The following EPN2 variants were observed in gnomAD, a reference collection of about 807,000 sequenced individuals.
EPN2 encodes epsin 2.
EPN2 carries 34 observed loss-of-function variants against 61.7 expected under a neutral mutation model. The ratio of observed to expected loss-of-function variants is 0.55; its 90% CI spans 0.42 to 0.73. The LOEUF (loss-of-function observed/expected upper bound fraction) is 0.73, where lower values mean the gene tolerates loss of function less well. EPN2 is among the 30% of genes least tolerant of loss of function. The pLI is 0.00. For missense variants in EPN2, 714 were observed against 839.2 expected (o/e 0.85, Z 1.84); for synonymous variants, 349 against 353.6 (o/e 0.99, Z 0.15).
chr17:19,256,227 G>A (rs1317871344), intron 1 of EPN2, among the ~76,000 whole-genome samples: 2 of 151,898 alleles, frequency 1.3e-5, no homozygotes, highest in African/African-American at 4.8e-5. Flanking sequence ...ATGAGCCACC[G>A]CGCCTGGCCC....
At chr17:19,314,316 C>T (rs1360853683) in intron 7 of EPN2, among the ~76,000 whole-genome samples, 1 of 49,664 alleles carries the variant, frequency 2.0e-5, no homozygotes, top group African/African-American at 6.9e-5. Flanking sequence ...TACAGGAGTC[C>T]AGGAGTGTGA....
intron 4 of EPN2, among the ~76,000 whole-genome samples, chr17:19,305,627 G>T (rs985736799): frequency 2.6e-5 from 4 of 152,148 alleles, no homozygotes; most frequent in African/African-American, 9.7e-5. Context: ...TTACCTGAAA[G>T]TGGCCCACTG....
intron 4 of EPN2, among the ~76,000 whole-genome samples, chr17:19,302,456 A>G (rs1905578023): frequency 6.6e-6 from 1 of 152,200 alleles, no homozygotes; most frequent in African/African-American, 2.4e-5. Flanking sequence ...CAGCAGTGGC[A>G]TTAGATTCTC....
chr17:19,284,293 T>C (rs563194557), intron 3 of EPN2, among the ~76,000 whole-genome samples: 21 of 152,156 alleles, frequency 1.4e-4, no homozygotes, highest in African/African-American at 4.8e-4. Flanking sequence ...TGGGTCTGCA[T>C]TGAGTTCTGG....
At chr17:19,281,526 T>C (rs556915159) in intron 1 of EPN2, among the ~76,000 whole-genome samples, 1 of 152,176 alleles carries the variant, frequency 6.6e-6, no homozygotes, top group Non-Finnish European at 1.5e-5. Context: ...ATGTGCCCAT[T>C]ACCCATCTGA....
chr17:19,335,513 TA>T lies in EPN2; in HGVS notation c.*1262del. On this transcript the variant is annotated 3_prime_UTR_variant, in exon 11 of 11. Transcript: ENST00000314728. ...CCTCTGTCTTAATCCACGCTCAGGC[TA>T]AAGATGGGGATAATGTGGAAATGGC... is the stretch of plus-strand genomic sequence containing the variant. The T allele has an allele frequency of 6.5e-7, 1 of 1,529,414 alleles. No homozygotes were observed. The highest frequency in any genetic ancestry group is 8.8e-7 in the Non-Finnish European group (1 of 1,133,120). 94.7% of individuals were successfully genotyped at this position (1,529,414 alleles called of 1,614,324 possible). A position where few individuals can be genotyped will look rare whatever the true frequency, so the allele number is the denominator to read the frequency against.
At chr17:19,320,966 C>T (rs985466347) in intron 7 of EPN2, among the ~76,000 whole-genome samples, 2 of 152,122 alleles carry the variant, frequency 1.3e-5, no homozygotes, top group African/African-American at 2.4e-5. Context: ...GCTTGGATCT[C>T]GGGGATGGGC....
In EPN2 at chr17:19,283,187, A is replaced by G; in HGVS notation, c.68A>G (p.Lys23Arg). The change falls in exon 3 of 11, where the codon AAA (lysine) becomes AGA (arginine). Residue 23 changes from lysine to arginine, a missense_variant. Coordinates refer to ENST00000314728, the MANE Select transcript of EPN2 (RefSeq NM_014964.5). This position sits in a 1 kb window ranked among gnomAD's most constrained non-coding sequence, Gnocchi z 7.0. ...IVNNYSEAEI[K>R]VREATSNDPW... is the part of the protein sequence containing the mutation. ...AACAATTACTCAGAGGCAGAAATCA[A>G]AGTCCGGGAAGCCACCTCCAATGAC... 1 of 1,614,132 alleles carries G rather than the reference A, an allele frequency of 6.2e-7. No homozygotes were observed. Among genetic ancestry groups the G allele is most frequent in the Non-Finnish European group, 8.5e-7 (1 of 1,180,014 alleles).
At chr17:19,305,130 T>G (rs1200030697) in intron 4 of EPN2, among the ~76,000 whole-genome samples, 1 of 151,818 alleles carries the variant, frequency 6.6e-6, no homozygotes, top group Non-Finnish European at 1.5e-5. Flanking sequence ...TTTTTTTTTT[T>G]TTTTTTTTTT....
At chr17:19,280,482 C>T (rs1474689885) in intron 1 of EPN2, among the ~76,000 whole-genome samples, 1 of 152,158 alleles carries the variant, frequency 6.6e-6, no homozygotes, top group Non-Finnish European at 1.5e-5. Flanking sequence ...CTTTCACAGC[C>T]TTTGCAGAAT....
chr17:19,272,973 GC>G (rs1372924498), intron 1 of EPN2, among the ~76,000 whole-genome samples: 3 of 152,202 alleles, frequency 2.0e-5, no homozygotes, highest in African/African-American at 4.8e-5. Context: ...CCCACAGGCT[GC>G]TCCTCCCAGA....
intron 7 of EPN2, among the ~76,000 whole-genome samples, chr17:19,321,602 G>A (rs1178410296): frequency 6.6e-6 from 1 of 152,196 alleles, no homozygotes; most frequent in African/African-American, 2.4e-5. Context: ...AGTAACCGGG[G>A]CATGTCCCCT....
chr17:19,293,207 A>G (rs1189640910), intron 4 of EPN2, among the ~76,000 whole-genome samples: 17 of 151,912 alleles, frequency 1.1e-4, no homozygotes. Flanking sequence ...GGTGAAACCC[A>G]TCTCTACTAA....
At chr17:19,254,152 G>T (rs2045047366) in intron 1 of EPN2, among the ~76,000 whole-genome samples, 1 of 121,478 alleles carries the variant, frequency 8.2e-6, no homozygotes, top group Non-Finnish European at 1.7e-5. Flanking sequence ...GAGAGAGAGA[G>T]AAAGAGAAAG....
At position 19,285,235 on chromosome 17, in the gene EPN2, G is replaced by A. The variant is rs889793172; in HGVS notation, c.596-385G>A. On this transcript the variant is annotated intron_variant, in intron 3 of 10. Transcript: ENST00000314728. This position sits in a 1 kb window ranked among gnomAD's most constrained non-coding sequence, Gnocchi z 4.5. The stretch of plus-strand genomic sequence containing the variant: ...CATTATTCTCAAGAAGCCAGAGGAT[G>A]CTAAGCAAGGAGCTGAAACAGCTTC... Among the ~76,000 whole-genome samples the A allele has an allele frequency of 2.6e-5, 4 of 152,228 alleles. No individual in the cohort carries two copies. Among genetic ancestry groups the A allele is most frequent in the Admixed American group, 6.5e-5 (1 of 15,288 alleles).
At chr17:19,249,729 C>G (rs1329758941) in intron 1 of EPN2, among the ~76,000 whole-genome samples, 2 of 152,232 alleles carry the variant, frequency 1.3e-5, no homozygotes, top group African/African-American at 2.4e-5. Context: ...TGTCAGTTTC[C>G]TATGGCTGCT....
Position 19,324,525 on chromosome 17 carries a change from G to A in EPN2, c.1148-4186G>A, listed in dbSNP as rs192110366. On this transcript the variant is annotated intron_variant, in intron 7 of 10. Coordinates refer to ENST00000314728, the MANE Select transcript of EPN2 (RefSeq NM_014964.5). ...ATTTTGTATTTTTAGTAGAGATGAG[G>A]TTTCTCAATGTTGATCAGGCTGGTC... Among the ~76,000 whole-genome samples, 69 of 152,300 alleles carry A rather than the reference G, an allele frequency of 4.5e-4. 1 individual carries two copies. Among genetic ancestry groups the A allele is most frequent in the Middle Eastern group, 3.4e-3 (1 of 294 alleles).
At position 19,331,836 on chromosome 17, in the gene EPN2, G is replaced by A. The variant is rs748610587; in HGVS notation, c.1412-17G>A. ...CCCTGCCACACTCACCCTGCCATATGTGTCCTTGTCTTGTAGCCGAATCTG... is the reference window on the plus strand; with the variant it reads ...CCCTGCCACACTCACCCTGCCATATATGTCCTTGTCTTGTAGCCGAATCTG... On this transcript the variant is annotated splice_polypyrimidine_tract_variant and intron_variant, in intron 9 of 10. Transcript: ENST00000314728. The A allele has an allele frequency of 1.2e-6, 2 of 1,608,794 alleles. No homozygotes were observed. The highest frequency in any genetic ancestry group is 3.3e-5 in the Admixed American group (2 of 60,024).
rs1352322540 is a variant in EPN2 at position 19,283,845 on chromosome 17, G to A, written c.595+131G>A. 1 of 675,894 alleles carries A rather than the reference G, an allele frequency of 1.5e-6. No homozygotes were observed. The highest frequency in any genetic ancestry group is 1.8e-5 in the African/African-American group (1 of 55,262). 41.9% of individuals were successfully genotyped at this position (675,894 alleles called of 1,614,324 possible). On this transcript the variant is annotated intron_variant, in intron 3 of 10. Coordinates refer to ENST00000314728, the MANE Select transcript of EPN2 (RefSeq NM_014964.5). The surrounding 1 kb of genome is among the most constrained non-coding windows in gnomAD (Gnocchi z 7.0). ...AACCTGTCCTCAGTACCCAGCTTTT[G>A]GTGGCCCAGGCAAATTGTCCTTGGT...
Sources: gnomAD v4.1 joint callset for allele counts (sites outside exome capture counted in the v4.1 genomes callset) on GRCh38, gnomAD v4.1.1 for gene constraint, Gnocchi (gnomAD v3.1) non-coding constraint, MANE v1.5 for transcripts, NCBI Gene and HGNC (gene_info 2026-07-23, HGNC 2026-07-21) for gene names.